TSHZ1: variants seen among roughly 807,000 people sequenced by gnomAD.
The protein encoded by TSHZ1 is teashirt zinc finger homeobox 1.
In TSHZ1, 12 loss-of-function variants were observed where a neutral mutation model predicts 67.1. The observed-to-expected ratio is 0.18, with a 90% confidence interval of 0.11 to 0.29. The LOEUF (loss-of-function observed/expected upper bound fraction) is 0.29, where lower values mean the gene tolerates loss of function less well. Ranked by LOEUF, TSHZ1 falls within the 10% of genes least tolerant of loss-of-function variation. The pLI, the probability that TSHZ1 is intolerant of heterozygous loss-of-function variation, is 1.00. For missense variants in TSHZ1, 1,305 were observed against 1,413.9 expected (o/e 0.92, Z 1.23); for synonymous variants, 632 against 622.4 (o/e 1.02, Z -0.23).
Position 75,288,695 on chromosome 18 carries a change from A to T in TSHZ1, c.*54A>T. 1.3e-6 allele frequency: 2 copies of T among 1,526,492 alleles called. No individual in the cohort carries two copies. The highest frequency in any genetic ancestry group is 2.8e-5 in the African/African-American group (2 of 72,214). The allele number at this position is 1,526,492 out of a possible 1,614,324, so 94.6% of individuals were successfully genotyped here. A position where few individuals can be genotyped will look rare whatever the true frequency, so the allele number is the denominator to read the frequency against. On this transcript the variant is annotated 3_prime_UTR_variant, in exon 2 of 2. Coordinates refer to ENST00000580243, the MANE Select transcript of TSHZ1 (RefSeq NM_001308210.2). This position sits in a 1 kb window ranked among gnomAD's most constrained non-coding sequence, Gnocchi z 4.9. Reference sequence around the variant, plus strand: ...ATTGCACTAAACGTCGTCGAGCTGCACTAGGCCTGGCCTGAGCCTCTGAAA... The same window carrying T: ...ATTGCACTAAACGTCGTCGAGCTGCTCTAGGCCTGGCCTGAGCCTCTGAAA...
intron 1 of TSHZ1, among the ~76,000 whole-genome samples, chr18:75,248,783 C>T (rs566592017): frequency 2.0e-5 from 3 of 152,332 alleles, no homozygotes; most frequent in Admixed American, 2.0e-4. Context: ...TTTGCCTGTG[C>T]GTCCAGCTTT....
At chr18:75,266,457 G>A (rs1185670726) in intron 1 of TSHZ1, among the ~76,000 whole-genome samples, 2 of 152,182 alleles carry the variant, frequency 1.3e-5, no homozygotes, top group Admixed American at 6.5e-5. Context: ...AGGGGTGGGT[G>A]TGAGCTCCTT....
intron 1 of TSHZ1, among the ~76,000 whole-genome samples, chr18:75,279,864 G>A (rs180735606): frequency 2.7e-4 from 41 of 152,348 alleles, no homozygotes; most frequent in African/African-American, 9.1e-4. Flanking sequence ...TAGACGTTCC[G>A]TGAAAGTTTG....
chr18:75,286,739 G>C lies in TSHZ1; in HGVS notation c.1332G>C (p.Val444=). 1 of 1,613,594 alleles carries C rather than the reference G, an allele frequency of 6.2e-7. No individual in the cohort carries two copies. Among genetic ancestry groups the C allele is most frequent in the Non-Finnish European group, 8.5e-7 (1 of 1,180,030 alleles). Residue 444 remains valine (V), a synonymous_variant, in exon 2 of 2, where the codon GTG becomes GTC. Transcript: ENST00000580243. The surrounding 1 kb of genome is among the most constrained non-coding windows in gnomAD (Gnocchi z 5.1). Reference sequence around the variant, plus strand: ...TGGTCACCGGGCACTTCCTGAAAGTGACCACCTCGGCTTCTAAGAAGGGCA... The same window carrying C: ...TGGTCACCGGGCACTTCCTGAAAGTCACCACCTCGGCTTCTAAGAAGGGCA... ...HMMVTGHFLK[V]TTSASKKGKQ... is the part of the protein sequence containing the mutation.
Position 75,222,333 on chromosome 18 carries a change from T to C in TSHZ1, c.40+10417T>C, listed in dbSNP as rs76557316. ...AAGCAGAAAGGATCTCATACCTAGGTGGAGAGTAGGTGCAGAGAGGGAGTT... is the reference window on the plus strand; with the variant it reads ...AAGCAGAAAGGATCTCATACCTAGGCGGAGAGTAGGTGCAGAGAGGGAGTT... On this transcript the variant is annotated intron_variant, in intron 1 of 1. Coordinates refer to ENST00000580243, the MANE Select transcript of TSHZ1 (RefSeq NM_001308210.2). 5.3e-5 allele frequency among the ~76,000 whole-genome samples: 8 copies of C among 152,192 alleles called. No individual in the cohort carries two copies. The East Asian group carries it at 1.5e-3, about 29-fold the overall frequency.
chr18:75,213,016 T>C (rs1265314914), intron 1 of TSHZ1, among the ~76,000 whole-genome samples: 2 of 152,254 alleles, frequency 1.3e-5, no homozygotes, highest in African/African-American at 4.8e-5. Flanking sequence ...GTTTTATGTT[T>C]AAACATGAGC....
intron 1 of TSHZ1, among the ~76,000 whole-genome samples, chr18:75,240,678 G>A (rs559474665): frequency 2.3e-4 from 35 of 152,272 alleles, no homozygotes; most frequent in Admixed American, 1.7e-3. Context: ...GGGGGCGCCC[G>A]TGAGCTCCTC....
chr18:75,244,755 T>TG (rs1445706763), intron 1 of TSHZ1: 1 of 152,312 alleles, frequency 6.6e-6, no homozygotes, highest in Non-Finnish European at 1.5e-5. Context: ...CCGTGTTTCC[T>TG]GGGGGATGAG....
In TSHZ1 at chr18:75,288,730, C is replaced by T. The variant is rs1361403047; in HGVS notation, c.*89C>T. On this transcript the variant is annotated 3_prime_UTR_variant, in exon 2 of 2. Transcript: ENST00000580243. The surrounding 1 kb of genome is among the most constrained non-coding windows in gnomAD (Gnocchi z 4.9). ...GCCTGAGCCTCTGAAATCAGTCTTT[C>T]CTTTGTTGCTGGCCCGCCTCTCTGG... 22 of 1,504,220 alleles carry T rather than the reference C, an allele frequency of 1.5e-5. No individual in the cohort carries two copies. The East Asian group carries it at 5.1e-4, about 35-fold the overall frequency. The allele number at this position is 1,504,220 out of a possible 1,614,324, so 93.2% of individuals were successfully genotyped here. A position where few individuals can be genotyped will look rare whatever the true frequency, so the allele number is the denominator to read the frequency against.
At chr18:75,219,126 T>C (rs754218653) in intron 1 of TSHZ1, among the ~76,000 whole-genome samples, 14 of 152,166 alleles carry the variant, frequency 9.2e-5, no homozygotes, top group Non-Finnish European at 7.3e-5. Flanking sequence ...AATATTTTAG[T>C]ATTGATTAAG....
chr18:75,261,035 G>A (rs907049072), intron 1 of TSHZ1, among the ~76,000 whole-genome samples: 1 of 152,036 alleles, frequency 6.6e-6, no homozygotes, highest in Non-Finnish European at 1.5e-5. Flanking sequence ...TCCCCCGGGA[G>A]TGAAACTGTA....
chr18:75,287,199 A>G lies in TSHZ1; in HGVS notation c.1792A>G (p.Ser598Gly). The G allele has an allele frequency of 6.2e-7, 1 of 1,613,664 alleles. No individual in the cohort carries two copies. The change falls in exon 2 of 2, where the codon AGC becomes GGC. Residue 598 changes from serine (S) to glycine (G), a missense_variant. By Grantham distance (56) the Ser-to-Gly change is moderately conservative. Coordinates refer to ENST00000580243, the MANE Select transcript of TSHZ1 (RefSeq NM_001308210.2). The surrounding 1 kb of genome is among the most constrained non-coding windows in gnomAD (Gnocchi z 5.0). ...GAAGCCACTGCCGGCGGCCGTGCAGAGCGTGCAGGTGCAGCCGTCCTATGC... is the reference window on the plus strand; with the variant it reads ...GAAGCCACTGCCGGCGGCCGTGCAGGGCGTGCAGGTGCAGCCGTCCTATGC... ...TVKPLPAAVQ[S>G]VQVQPSYAGG...
At chr18:75,228,513 TA>T (rs1419828347) in intron 1 of TSHZ1, among the ~76,000 whole-genome samples, 4 of 152,196 alleles carry the variant, frequency 2.6e-5, no homozygotes, top group African/African-American at 9.6e-5. Context: ...CATTTATATT[TA>T]GGAAGACAAA....
At chr18:75,278,252 C>T (rs1415918347) in intron 1 of TSHZ1, among the ~76,000 whole-genome samples, 3 of 126,512 alleles carry the variant, frequency 2.4e-5, no homozygotes, top group African/African-American at 9.4e-5. Context: ...CAGGTATAGC[C>T]TGGGGGTGGG....
chr18:75,219,845 G>C (rs1409712048), intron 1 of TSHZ1, among the ~76,000 whole-genome samples: 1 of 152,210 alleles, frequency 6.6e-6, no homozygotes. Flanking sequence ...TGCTGGTTAC[G>C]TGCTGAAGGC....
Position 75,286,178 on chromosome 18 carries a change from G to A in TSHZ1, c.771G>A (p.Thr257=), listed in dbSNP as rs768283153. 11 of 1,614,070 alleles carry A rather than the reference G, an allele frequency of 6.8e-6. No individual in the cohort carries two copies. The highest frequency in any genetic ancestry group is 4.5e-5 in the East Asian group (2 of 44,866). ...RCKDCSAAYD[T]LVELTVHMNE... is the part of the protein sequence containing the mutation. ...AAGACTGCAGTGCCGCGTACGACAC[G>A]CTGGTGGAACTGACGGTGCACATGA... The change falls in exon 2 of 2, where the codon ACG becomes ACA. Residue 257 remains threonine (T), a synonymous_variant. Transcript: ENST00000580243. This position sits in a 1 kb window ranked among gnomAD's most constrained non-coding sequence, Gnocchi z 5.1.
intron 1 of TSHZ1, among the ~76,000 whole-genome samples, chr18:75,263,251 T>C (rs953998879): frequency 6.6e-6 from 1 of 152,216 alleles, no homozygotes; most frequent in African/African-American, 2.4e-5. Flanking sequence ...TGAAACCAAA[T>C]TCAACTTTTA....
chr18:75,219,858 G>A (rs193062537), intron 1 of TSHZ1, among the ~76,000 whole-genome samples: 17 of 152,344 alleles, frequency 1.1e-4, no homozygotes, highest in Admixed American at 4.6e-4. Flanking sequence ...CTGAAGGCAC[G>A]CGTAGGTGTG....
chr18:75,254,828 C>A (rs1025482538), intron 1 of TSHZ1, among the ~76,000 whole-genome samples: 1 of 152,154 alleles, frequency 6.6e-6, no homozygotes, highest in Non-Finnish European at 1.5e-5. Context: ...ATTCAGCATG[C>A]TTTAAATAGT....
Sources: gnomAD v4.1 joint callset for allele counts (sites outside exome capture counted in the v4.1 genomes callset) on GRCh38, gnomAD v4.1.1 for gene constraint, Gnocchi (gnomAD v3.1) non-coding constraint, MANE v1.5 for transcripts, NCBI Gene and HGNC (gene_info 2026-07-23, HGNC 2026-07-21) for gene names.